ARMC9: variants seen among roughly 807,000 people sequenced by gnomAD.
The protein encoded by ARMC9 is lisH domain-containing protein ARMC9.
A neutral mutation model predicts 107.0 loss-of-function variants in ARMC9; 94 were observed. The observed-to-expected ratio is 0.88, with a 90% CI of 0.74 to 1.04. The LOEUF is 1.04. Among genes scored for constraint, ARMC9 ranks in the 50% least tolerant of loss-of-function variants. The probability of loss-of-function intolerance (pLI) is 0.00; values close to 1 mark genes in which losing one functional copy is unlikely to be tolerated. For missense variants in ARMC9, 942 were observed against 1,030.1 expected (o/e 0.91, Z 1.17); for synonymous variants, 380 against 396.9 (o/e 0.96, Z 0.51).
At chr2:231,354,953 G>T (rs1388888645) in intron 21 of ARMC9, among the ~76,000 whole-genome samples, 2 of 152,228 alleles carry the variant, frequency 1.3e-5, no homozygotes, top group Admixed American at 1.3e-4. Context: ...GCACTTGTCT[G>T]CTGGGCGAAG....
intron 19 of ARMC9, among the ~76,000 whole-genome samples, chr2:231,296,643 G>C (rs1053261001): frequency 6.6e-6 from 1 of 152,194 alleles, no homozygotes; most frequent in East Asian, 1.9e-4. Context: ...AGTCTCTGGC[G>C]TGAGGGGTCC....
At chr2:231,251,698 G>A (rs2037314436) in intron 9 of ARMC9, among the ~76,000 whole-genome samples, 1 of 152,120 alleles carries the variant, frequency 6.6e-6, no homozygotes, top group African/African-American at 2.4e-5. Context: ...CTTGCCAAAT[G>A]CATGAAATAC....
intron 1 of ARMC9, among the ~76,000 whole-genome samples, chr2:231,204,176 GAAAAAAA>G (rs5839392): frequency 4.1e-5 from 4 of 98,284 alleles, no homozygotes; most frequent in Admixed American, 1.1e-4. Context: ...TCTGTCTCAG[GAAAAAAA>G]AAAAAAAAAA....
At chr2:231,229,412 A>G (rs980506186) in intron 7 of ARMC9, among the ~76,000 whole-genome samples, 11 of 152,236 alleles carry the variant, frequency 7.2e-5, no homozygotes, top group African/African-American at 2.7e-4. Context: ...TTTAAAGAAG[A>G]CAGGAAAGGC....
rs3042595 is a variant in ARMC9, at chr2:231,255,180, AACACACACACACACACACAC to A, written c.880-1384_880-1365del. On this transcript the variant is annotated intron_variant, in intron 9 of 24. Transcript: ENST00000611582. This position sits in a 1 kb window ranked among gnomAD's most constrained non-coding sequence, Gnocchi z 4.7. ...AGCACTACCTGTAGTGGCAAAAAGA[AACACACACACACACACACAC>A]ACACACACACACACACACACAAAAT... is the stretch of plus-strand genomic sequence containing the variant. Among the ~76,000 whole-genome samples, 18 of 146,760 alleles carry A rather than the reference AACACACACACACACACACAC, an allele frequency of 1.2e-4. No homozygotes were observed. Among genetic ancestry groups the A allele is most frequent in the African/African-American group, 1.7e-4 (7 of 40,026 alleles).
intron 9 of ARMC9, among the ~76,000 whole-genome samples, chr2:231,248,467 G>A (rs929259893): frequency 1.3e-5 from 2 of 152,070 alleles, no homozygotes; most frequent in African/African-American, 4.8e-5. Context: ...ATCACCTTAG[G>A]GTGAAGTGGT....
intron 7 of ARMC9, among the ~76,000 whole-genome samples, chr2:231,228,834 G>T (rs535069195): frequency 6.6e-6 from 1 of 152,018 alleles, no homozygotes; most frequent in East Asian, 1.9e-4. Flanking sequence ...GCAGGAAGGT[G>T]GTGAGAAACT....
chr2:231,263,967 CT>C (rs1200829917), intron 12 of ARMC9, among the ~76,000 whole-genome samples: 1 of 152,056 alleles, frequency 6.6e-6, no homozygotes, highest in African/African-American at 2.4e-5. Context: ...AACATCTTTG[CT>C]ATTAGGGTGT....
Position 231,331,815 on chromosome 2 carries a change from C to T in ARMC9, c.1796C>T (p.Ala599Val). The change falls in exon 20 of 25, where the codon GCC (alanine) becomes GTC (valine). Residue 599 changes from alanine to valine, a missense_variant. Ala to Val is a moderately conservative substitution (Grantham distance 64). Coordinates refer to ENST00000611582, the MANE Select transcript of ARMC9 (RefSeq NM_001352754.2). ...CAGGAGGACCATGACATCATGGAAG[C>T]CGATCTGGACAAAGACGAACTGATC... ...DDEEDHDIMEADLDKDELIQP... is the reference protein window; with the variant it reads ...DDEEDHDIMEVDLDKDELIQP... 6.2e-7 allele frequency: 1 copy of T among 1,613,920 alleles called. No individual in the cohort carries two copies. Among genetic ancestry groups the T allele is most frequent in the East Asian group, 2.2e-5 (1 of 44,866 alleles).
At chr2:231,284,856 C>A (rs1030180601) in intron 17 of ARMC9, among the ~76,000 whole-genome samples, 1 of 152,150 alleles carries the variant, frequency 6.6e-6, no homozygotes, top group African/African-American at 2.4e-5. Flanking sequence ...AGGGGCTATT[C>A]TTTTGAAAAA....
Position 231,371,675 on chromosome 2 carries a change from G to T in ARMC9, c.*140G>T, listed in dbSNP as rs1476111520. ...GAGCTGAGGGGAGGCCGGCTCTCCA[G>T]GCAGCACCAGAGCAAGGCCATCGCA... On this transcript the variant is annotated 3_prime_UTR_variant, in exon 25 of 25. Transcript: ENST00000611582. 11 of 892,398 alleles carry T rather than the reference G, an allele frequency of 1.2e-5. No homozygotes were observed. The South Asian group carries it at 5.7e-4, about 46-fold the overall frequency. The allele number at this position is 892,398 out of a possible 1,614,324, so 55.3% of individuals were successfully genotyped here. A position where few individuals can be genotyped will look rare whatever the true frequency, so the allele number is the denominator to read the frequency against.
intron 9 of ARMC9, among the ~76,000 whole-genome samples, chr2:231,247,362 C>T (rs2036867673): frequency 6.6e-6 from 1 of 152,346 alleles, no homozygotes; most frequent in Admixed American, 6.5e-5. Flanking sequence ...CCTGCTTCCA[C>T]CTCAGCCATC....
intron 19 of ARMC9, among the ~76,000 whole-genome samples, chr2:231,306,982 T>C (rs1220242361): frequency 6.6e-6 from 1 of 152,308 alleles, no homozygotes; most frequent in Non-Finnish European, 1.5e-5. Flanking sequence ...AGGATGGTGC[T>C]CAGGGCTGGA....
chr2:231,234,264 G>T (rs1040037207), intron 7 of ARMC9, among the ~76,000 whole-genome samples: 2 of 152,222 alleles, frequency 1.3e-5, no homozygotes, highest in South Asian at 4.1e-4. Context: ...ATGAGGATTT[G>T]CCTATTCCTG....
In ARMC9 at chr2:231,375,784, G is replaced by C. The variant is rs1370199011; in HGVS notation, c.*4249G>C. ...CATCTTAAGGTGTCTACTAAAGCCT[G>C]GGGGTGGATGGGATCTCAGAAGGGG... On this transcript the variant is annotated 3_prime_UTR_variant, in exon 25 of 25. Coordinates refer to ENST00000611582, the MANE Select transcript of ARMC9 (RefSeq NM_001352754.2). The surrounding 1 kb of genome is among the most constrained non-coding windows in gnomAD (Gnocchi z 4.3). Among the ~76,000 whole-genome samples, 1 of 152,176 alleles carries C rather than the reference G, an allele frequency of 6.6e-6. No homozygotes were observed. The highest frequency in any genetic ancestry group is 1.5e-5 in the Non-Finnish European group (1 of 68,038).
chr2:231,254,609 A>G (rs1574815951), intron 9 of ARMC9, among the ~76,000 whole-genome samples: 1 of 151,946 alleles, frequency 6.6e-6, no homozygotes, highest in Non-Finnish European at 1.5e-5. Flanking sequence ...GCTTGAGCCC[A>G]GGAGTTCAAG....
rs867082628 is a variant in ARMC9, at chr2:231,376,305, A to G, written c.*4770A>G. On this transcript the variant is annotated 3_prime_UTR_variant, in exon 25 of 25. Coordinates refer to ENST00000611582, the MANE Select transcript of ARMC9 (RefSeq NM_001352754.2). The stretch of plus-strand genomic sequence containing the variant: ...CTGGTGAGTCGGGCGGAACAGAGCC[A>G]TATTTCTCTTCTTTCAAAAGCAAAT... Among the ~76,000 whole-genome samples the G allele has an allele frequency of 6.6e-6, 1 of 152,208 alleles. No individual in the cohort carries two copies. Among genetic ancestry groups the G allele is most frequent in the Non-Finnish European group, 1.5e-5 (1 of 68,044 alleles).
intron 19 of ARMC9, among the ~76,000 whole-genome samples, chr2:231,302,150 A>G (rs2041771995): frequency 6.6e-6 from 1 of 152,070 alleles, no homozygotes; most frequent in Admixed American, 6.5e-5. Flanking sequence ...GGAAAGAAAA[A>G]CATATATGTT....
At chr2:231,329,604 C>G (rs528968055) in intron 19 of ARMC9, among the ~76,000 whole-genome samples, 16 of 152,172 alleles carry the variant, frequency 1.1e-4, no homozygotes, top group African/African-American at 3.9e-4. Context: ...CCACCGCGCC[C>G]GGCAGATTTC....
Sources: allele counts gnomAD v4.1 joint callset (sites outside exome capture counted in the v4.1 genomes callset), GRCh38; gene constraint gnomAD v4.1.1; non-coding constraint Gnocchi (gnomAD v3.1); transcripts MANE v1.5; gene names NCBI Gene and HGNC (gene_info 2026-07-23, HGNC 2026-07-21).